Variants in SLC10A7 observed in about 807,000 individuals in gnomAD.
The protein encoded by SLC10A7 is solute carrier family 10 member 7, also known as sodium/bile acid cotransporter 7.
A neutral mutation model predicts 43.2 loss-of-function variants in SLC10A7; 29 were observed. The observed-to-expected ratio is 0.67, with a 90% CI of 0.50 to 0.92. The LOEUF (loss-of-function observed/expected upper bound fraction) is 0.92. Among genes scored for constraint, SLC10A7 ranks in the 40% least tolerant of loss-of-function variants. SLC10A7 has a pLI of 0.00. For missense variants in SLC10A7, 295 were observed against 403.2 expected, an observed-to-expected ratio of 0.73 and a Z score of 2.30; for synonymous variants, 152 against 144.8, an observed-to-expected ratio of 1.05 and a Z score of -0.35.
rs1727785763 is a variant in SLC10A7, at chr4:146,254,190, C to A, written c.*2301G>T. 1 of 151,384 alleles carries A rather than the reference C, an allele frequency of 6.6e-6. No homozygotes were observed. The highest frequency in any genetic ancestry group is 1.5e-5 in the Non-Finnish European group (1 of 67,714). 9.4% of individuals were successfully genotyped at this position (151,384 alleles called of 1,614,324 possible). On this transcript the variant is annotated 3_prime_UTR_variant, in exon 12 of 12. Coordinates refer to ENST00000335472, the MANE Select transcript of SLC10A7 (RefSeq NM_001029998.6). ...CAAAAATTTTAATACTAAGAAAAAA[C>A]ATGAAAATACCAACATTATTACCCA...
intron 5 of SLC10A7, among the ~76,000 whole-genome samples, chr4:146,419,279 C>A (rs542256904): frequency 1.3e-5 from 2 of 152,094 alleles, no homozygotes; most frequent in African/African-American, 4.8e-5. Flanking sequence ...GGTGACCAGC[C>A]CAGATCCTGC....
intron 5 of SLC10A7, among the ~76,000 whole-genome samples, chr4:146,396,603 T>A (rs1374390834): frequency 2.0e-5 from 3 of 152,046 alleles, no homozygotes; most frequent in Admixed American, 6.6e-5. Flanking sequence ...GCACATTTTT[T>A]AAAAATAAAA....
chr4:146,341,939 T>C (rs1041428218), intron 5 of SLC10A7, among the ~76,000 whole-genome samples: 17 of 151,842 alleles, frequency 1.1e-4, no homozygotes, highest in African/African-American at 3.9e-4. Flanking sequence ...TTTAGTTGTA[T>C]AGAAAAGTAC....
chr4:146,381,618 T>C (rs902556582), intron 5 of SLC10A7, among the ~76,000 whole-genome samples: 22 of 152,202 alleles, frequency 1.4e-4, no homozygotes, highest in African/African-American at 5.3e-4. Context: ...CACTCTGCAC[T>C]CTGTCAATGC....
At chr4:146,266,820 T>C (rs553724295) in intron 10 of SLC10A7, among the ~76,000 whole-genome samples, 1 of 152,344 alleles carries the variant, frequency 6.6e-6, no homozygotes, top group East Asian at 1.9e-4. Context: ...CTGTGTGACC[T>C]TGGTTGGGCA....
intron 4 of SLC10A7, among the ~76,000 whole-genome samples, chr4:146,484,339 G>C: frequency 6.6e-6 from 1 of 152,162 alleles, no homozygotes; most frequent in South Asian, 2.1e-4. Flanking sequence ...GAGTGACAGA[G>C]AGACACTCTG....
At chr4:146,462,495 CCAAA>C (rs1206485582) in intron 4 of SLC10A7, among the ~76,000 whole-genome samples, 5 of 152,098 alleles carry the variant, frequency 3.3e-5, no homozygotes, top group Admixed American at 6.6e-5. Context: ...AGAGCTCCCC[CCAAA>C]CACTCTTCCT....
At chr4:146,451,251 CAAAA>C in intron 4 of SLC10A7, among the ~76,000 whole-genome samples, 1 of 92,468 alleles carries the variant, frequency 1.1e-5, no homozygotes, top group South Asian at 3.8e-4. Flanking sequence ...AAAAAAAAAA[CAAAA>C]AAAAACCAGG....
chr4:146,261,880 C>G (rs774356078), intron 10 of SLC10A7, among the ~76,000 whole-genome samples: 2 of 152,186 alleles, frequency 1.3e-5, no homozygotes, highest in African/African-American at 4.8e-5. Flanking sequence ...GTCAATCACT[C>G]GCCAGGGGGA....
At position 146,253,992 on chromosome 4, in the gene SLC10A7, G is replaced by A. The variant is rs1727775365; in HGVS notation, c.*2499C>T. 6.6e-6 allele frequency: 1 copy of A among 152,154 alleles called. No individual in the cohort carries two copies. Among genetic ancestry groups the A allele is most frequent in the African/African-American group, 2.4e-5 (1 of 41,434 alleles). The allele number at this position is 152,154 out of a possible 1,614,324, so 9.4% of individuals were successfully genotyped here. ...AGCCACAGTTTCTCTTGTGATTTCTGAAACATTCTTTGTTTAATCATATAA... is the reference window on the plus strand; with the variant it reads ...AGCCACAGTTTCTCTTGTGATTTCTAAAACATTCTTTGTTTAATCATATAA... On this transcript the variant is annotated 3_prime_UTR_variant, in exon 12 of 12. Coordinates refer to ENST00000335472, the MANE Select transcript of SLC10A7 (RefSeq NM_001029998.6).
chr4:146,408,410 C>T (rs1385231997), intron 5 of SLC10A7, among the ~76,000 whole-genome samples: 3 of 151,858 alleles, frequency 2.0e-5, no homozygotes, highest in African/African-American at 2.4e-5. Flanking sequence ...ATTAGCTGGG[C>T]GTGGTGGTGC....
chr4:146,486,335 A>G (rs1734921175), intron 4 of SLC10A7, among the ~76,000 whole-genome samples: 1 of 152,234 alleles, frequency 6.6e-6, no homozygotes, highest in Non-Finnish European at 1.5e-5. Flanking sequence ...ATGTTTTGAA[A>G]ATAATGTTTT....
At chr4:146,421,542 T>C (rs1479902505) in intron 5 of SLC10A7, among the ~76,000 whole-genome samples, 2 of 152,162 alleles carry the variant, frequency 1.3e-5, no homozygotes, top group Non-Finnish European at 2.9e-5. Context: ...CATGTCCAAG[T>C]TGAGCCTCTC....
At chr4:146,260,361 G>A (rs892680783) in intron 10 of SLC10A7, among the ~76,000 whole-genome samples, 2 of 152,184 alleles carry the variant, frequency 1.3e-5, no homozygotes, top group Non-Finnish European at 2.9e-5. Flanking sequence ...AAGACATTGG[G>A]GGATGGGAGT....
At chr4:146,505,013 T>C (rs1736768775) in intron 3 of SLC10A7, among the ~76,000 whole-genome samples, 1 of 152,216 alleles carries the variant, frequency 6.6e-6, no homozygotes, top group Non-Finnish European at 1.5e-5. Context: ...ATATAGAATA[T>C]ATCTTCTGGG....
At chr4:146,337,010 C>T (rs1291838470) in intron 5 of SLC10A7, among the ~76,000 whole-genome samples, 1 of 151,874 alleles carries the variant, frequency 6.6e-6, no homozygotes. Context: ...ATTAATTTGG[C>T]TTTTTCTATC....
intron 10 of SLC10A7, among the ~76,000 whole-genome samples, chr4:146,261,426 C>CA (rs35038183): frequency 0.11 from 16,972 of 152,298 alleles, 1,285 homozygotes; most frequent in Admixed American, 0.18. Flanking sequence ...CTTTGCCCCC[C>CA]CAGCTCCAGC....
intron 11 of SLC10A7, 143 bp from the exon 12 acceptor site, chr4:146,256,663 T>A: frequency 9.4e-7 from 1 of 1,066,010 alleles, no homozygotes; most frequent in East Asian, 2.5e-5. Context: ...TCCAAACCTC[T>A]GGATACAAAC....
At chr4:146,499,578 A>G (rs1736211587) in intron 4 of SLC10A7, among the ~76,000 whole-genome samples, 1 of 152,138 alleles carries the variant, frequency 6.6e-6, no homozygotes, top group African/African-American at 2.4e-5. Context: ...ATTTTCTCCT[A>G]CAATCTGGTG....
Sources: allele counts gnomAD v4.1 joint callset (sites outside exome capture counted in the v4.1 genomes callset), GRCh38; gene constraint gnomAD v4.1.1; transcripts MANE v1.5; gene names NCBI Gene and HGNC (gene_info 2026-07-23, HGNC 2026-07-21).